PDE6C: variants seen among roughly 807,000 people sequenced by gnomAD.
PDE6C encodes phosphodiesterase 6C.
A neutral mutation model predicts 113.1 loss-of-function variants in PDE6C; 75 were observed. The observed-to-expected ratio is 0.66, with a 90% CI of 0.55 to 0.80. The LOEUF (loss-of-function observed/expected upper bound fraction) is 0.80, where lower values mean the gene tolerates loss of function less well. PDE6C is among the 30% of genes least tolerant of loss of function. PDE6C has a pLI of 0.00. For synonymous variants in PDE6C, 375 were observed against 363.7 expected (o/e 1.03, Z -0.35); for missense variants, 912 against 1,038.6 (o/e 0.88, Z 1.67).
Position 93,622,017 on chromosome 10 carries a change from C to T in PDE6C, c.809C>T (p.Ser270Leu), listed in dbSNP as rs150268540. 6 of 1,613,664 alleles carry T rather than the reference C, an allele frequency of 3.7e-6. No homozygotes were observed. Among genetic ancestry groups the T allele is most frequent in the Non-Finnish European group, 5.1e-6 (6 of 1,179,724 alleles). Residue 270 changes from serine (S) to leucine (L), a missense_variant, in exon 4 of 22, where the codon TCA becomes TTA. Ser to Leu is a moderately radical substitution (Grantham distance 145). Transcript: ENST00000371447. ...QFHKALYTVRSYLNCERYSIG... is the reference protein window; with the variant it reads ...QFHKALYTVRLYLNCERYSIG... ...CACAAAGCGCTCTACACGGTTAGAT[C>T]ATATCTGAACTGTGAACGATACTCC...
chr10:93,637,098 A>G, intron 11 of PDE6C, 35 bp downstream of exon 11: 1 of 1,030,792 alleles, frequency 9.7e-7, no homozygotes, highest in Non-Finnish European at 1.5e-6. Context: ...ATGCCTGTTA[A>G]ATAGAGGCAT....
chr10:93,622,174 T>G (rs1210677004), intron 4 of PDE6C, 102 bp downstream of exon 4: 7 of 1,155,984 alleles, frequency 6.1e-6, no homozygotes, highest in Non-Finnish European at 7.7e-6. Flanking sequence ...TGTAAATAAT[T>G]AGTCATGATT....
chr10:93,656,825 T>A (rs955556018), intron 16 of PDE6C, among the ~76,000 whole-genome samples: 1 of 152,092 alleles, frequency 6.6e-6, no homozygotes, highest in African/African-American at 2.4e-5. Context: ...CACCTGGCCC[T>A]CCCAAAGTGC....
At chr10:93,643,563 A>G (rs967055870) in intron 14 of PDE6C, among the ~76,000 whole-genome samples, 8 of 151,530 alleles carry the variant, frequency 5.3e-5, no homozygotes, top group African/African-American at 1.7e-4. Flanking sequence ...TAACTTTTAA[A>G]TTGTTTTTGT....
intron 7 of PDE6C, 119 bp from the exon 8 acceptor site, chr10:93,629,139 C>A (rs2058487509): frequency 1.2e-6 from 1 of 831,034 alleles, no homozygotes; most frequent in African/African-American, 1.7e-5. Context: ...TGCCCGCAAG[C>A]AGTCAAGAGC....
At chr10:93,622,515 C>CA (rs989197496) in intron 4 of PDE6C, among the ~76,000 whole-genome samples, 80 of 152,102 alleles carry the variant, frequency 5.3e-4, no homozygotes, top group African/African-American at 1.7e-3. Flanking sequence ...TGGGTTTTGA[C>CA]AAATGTGTAA....
intron 7 of PDE6C, among the ~76,000 whole-genome samples, chr10:93,628,908 G>A (rs1199364314): frequency 1.3e-5 from 2 of 152,120 alleles, no homozygotes; most frequent in East Asian, 1.9e-4. Flanking sequence ...AGCAATCCTA[G>A]CTCTGCTGCT....
intron 1 of PDE6C, among the ~76,000 whole-genome samples, chr10:93,619,972 C>CAT (rs968542338): frequency 2.0e-5 from 3 of 152,068 alleles, no homozygotes; most frequent in African/African-American, 7.2e-5. Flanking sequence ...AGTTCACATC[C>CAT]ATATGCATTG....
At chr10:93,662,974 T>C (rs1270737927) in intron 20 of PDE6C, 54 bp from the exon 21 acceptor site, 20 of 1,470,792 alleles carry the variant, frequency 1.4e-5, no homozygotes, top group Non-Finnish European at 1.8e-5. Context: ...ATATGAAAGA[T>C]CCTGAAAATT....
At chr10:93,662,322 T>C (rs10882297) in intron 19 of PDE6C, among the ~76,000 whole-genome samples, 189 bp downstream of exon 19, 60,404 of 151,484 alleles carry the variant, frequency 0.4, 13,998 homozygotes, top group Non-Finnish European at 0.51. Flanking sequence ...AATTAGCTGG[T>C]CATGGTGGTG....
At chr10:93,624,523 C>G (rs546027650) in intron 4 of PDE6C, among the ~76,000 whole-genome samples, 1 of 152,222 alleles carries the variant, frequency 6.6e-6, no homozygotes, top group Non-Finnish European at 1.5e-5. Flanking sequence ...CAGGCATGAG[C>G]CACCGCACCT....
chr10:93,663,262 TCA>T (rs919775888), intron 21 of PDE6C, 84 bp downstream of exon 21: 2 of 1,377,804 alleles, frequency 1.5e-6, no homozygotes, highest in African/African-American at 2.9e-5. Flanking sequence ...CCATAAAGAG[TCA>T]CCACAAACAG....
In PDE6C at chr10:93,634,672, C is replaced by T. The variant is rs572355879; in HGVS notation, c.1120-86C>T. The T allele has an allele frequency of 5.0e-6, 7 of 1,400,148 alleles. No homozygotes were observed. The South Asian group carries it at 8.5e-5, about 17-fold the overall frequency. The allele number at this position is 1,400,148 out of a possible 1,614,324, so 86.7% of individuals were successfully genotyped here. On this transcript the variant is annotated intron_variant, in intron 8 of 21. Transcript: ENST00000371447. ...GAAGGGTACCTGAAATCTCTCTGTA[C>T]ATTTCTTTTGTAATATCCTGTGAAT... is the stretch of plus-strand genomic sequence containing the variant.
At chr10:93,641,408 G>A (rs554152017) in intron 14 of PDE6C, among the ~76,000 whole-genome samples, 5 of 152,012 alleles carry the variant, frequency 3.3e-5, no homozygotes, top group Non-Finnish European at 7.4e-5. Flanking sequence ...TGAGGCGGGC[G>A]GATCAAGTGA....
rs372330059 is a variant in PDE6C at position 93,645,957 on chromosome 10, T to C, written c.1848-3T>C. The C allele has an allele frequency of 5.7e-6, 9 of 1,577,690 alleles. No homozygotes were observed. In the African/African-American group the frequency reaches 9.4e-5, roughly 17 times the overall value. On this transcript the variant is annotated splice_region_variant and splice_polypyrimidine_tract_variant and intron_variant, in intron 14 of 21. Transcript: ENST00000371447. ...GAATCATGGCATGTTGTTTTCCTTC[T>C]AGATCCACGTCTCCATTAGCAAGAC...
rs777938498 is a variant in PDE6C, at chr10:93,640,600, C to A, written c.1737+43C>A. 3.1e-6 allele frequency: 4 copies of A among 1,288,564 alleles called. No homozygotes were observed. In the African/African-American group the frequency reaches 5.8e-5, roughly 19 times the overall value. 79.8% of individuals were successfully genotyped at this position (1,288,564 alleles called of 1,614,324 possible). On this transcript the variant is annotated intron_variant, in intron 13 of 21. Coordinates refer to ENST00000371447, the MANE Select transcript of PDE6C (RefSeq NM_006204.4). ...TAAATCCTTGTAAACCTGCAGATTT[C>A]CCATTTGAGCATGATGAGAAATAGG...
intron 4 of PDE6C, among the ~76,000 whole-genome samples, chr10:93,625,139 G>A (rs1207198231): frequency 2.6e-5 from 4 of 152,084 alleles, no homozygotes; most frequent in Admixed American, 1.3e-4. Flanking sequence ...TACTCAAATC[G>A]CATCAGGTTA....
Position 93,646,052 on chromosome 10 carries a change from GTAAACCTCTCTT to G in PDE6C, c.1935+8_1935+19del. The G allele has an allele frequency of 6.6e-7, 1 of 1,506,208 alleles. No homozygotes were observed. The highest frequency in any genetic ancestry group is 9.2e-7 in the Non-Finnish European group (1 of 1,081,236). The allele number at this position is 1,506,208 out of a possible 1,614,324, so 93.3% of individuals were successfully genotyped here. On this transcript the variant is annotated splice_donor_region_variant and intron_variant, in intron 15 of 21. Transcript: ENST00000371447. ...AAGACTCTGTTGCAGGATGAGGTAC[GTAAACCTCTCTT>G]TAGGACAGCTAAACACAAATTCTGG...
intron 4 of PDE6C, among the ~76,000 whole-genome samples, chr10:93,624,481 G>T (rs1224564087): frequency 1.3e-5 from 2 of 152,250 alleles, no homozygotes; most frequent in South Asian, 4.1e-4. Flanking sequence ...CAAGTGATCC[G>T]CTCGCCTTGG....
Sources: allele counts gnomAD v4.1 joint callset (sites outside exome capture counted in the v4.1 genomes callset), GRCh38; gene constraint gnomAD v4.1.1; transcripts MANE v1.5; gene names NCBI Gene and HGNC (gene_info 2026-07-23, HGNC 2026-07-21).